Variants in SLCO3A1 observed in about 807,000 individuals in gnomAD.
The protein encoded by SLCO3A1 is solute carrier organic anion transporter family member 3A1.
In SLCO3A1, 27 loss-of-function variants were observed where a neutral mutation model predicts 63.1. That is an observed-to-expected ratio of 0.43 (90% CI 0.32 to 0.59). SLCO3A1 has a LOEUF of 0.59. Ranked by LOEUF, SLCO3A1 falls within the 20% of genes least tolerant of loss-of-function variation. The probability of loss-of-function intolerance (pLI) is 0.09; values close to 1 mark genes in which losing one functional copy is unlikely to be tolerated. For synonymous variants in SLCO3A1, 473 were observed against 409.9 expected (o/e 1.15, Z -1.86); for missense variants, 773 against 945.8 (o/e 0.82, Z 2.40).
rs61033389 is a variant in SLCO3A1 at position 92,056,045 on chromosome 15, G to A, written c.647-38836G>A. On this transcript the variant is annotated intron_variant, in intron 2 of 9. Transcript: ENST00000318445. ...GCAGTTACCTAGTGCCAGTCTAGGT[G>A]GTATTTTCTCTGTTTTTCCATATTT... 4.0e-5 allele frequency among the ~76,000 whole-genome samples: 6 copies of A among 151,760 alleles called. No individual in the cohort carries two copies. In the East Asian group the frequency reaches 1.2e-3, roughly 29 times the overall value.
Position 91,909,340 on chromosome 15 carries a change from A to G in SLCO3A1, c.181-6653A>G, listed in dbSNP as rs370799704. On this transcript the variant is annotated intron_variant, in intron 1 of 9. Coordinates refer to ENST00000318445, the MANE Select transcript of SLCO3A1 (RefSeq NM_013272.4). ...AACACAGCCATTTCCATTTGTTCAT[A>G]TATTGTCCATGCATGCTGCTTTTGT... Among the ~76,000 whole-genome samples, 26 of 152,170 alleles carry G rather than the reference A, an allele frequency of 1.7e-4. No homozygotes were observed. The East Asian group carries it at 1.9e-3, about 11-fold the overall frequency.
intron 1 of SLCO3A1, among the ~76,000 whole-genome samples, chr15:91,855,873 A>G (rs7181078): frequency 0.074 from 11,308 of 152,032 alleles, 1,381 homozygotes; most frequent in African/African-American, 0.25. Flanking sequence ...CCTCAAACCA[A>G]TTTTGCTCGG....
At chr15:91,930,004 G>C (rs1233107880) in intron 2 of SLCO3A1, among the ~76,000 whole-genome samples, 1 of 152,138 alleles carries the variant, frequency 6.6e-6, no homozygotes. Flanking sequence ...CTGTGAACAT[G>C]GGTGTGCCAT....
At position 91,853,879 on chromosome 15, in the gene SLCO3A1, G is replaced by GGCA. The variant is rs1397643688; in HGVS notation, c.-28_-27insAGC. ...CCGGGGCGAGCGGGAAAGCGGCAGC[G>GGCA]GCGGCGGCGGCGGCGGCGGCGGGGG... On this transcript the variant is annotated 5_prime_UTR_variant, in exon 1 of 10. Transcript: ENST00000318445. 4.6e-6 allele frequency: 3 copies of GGCA among 647,932 alleles called. No homozygotes were observed. Among genetic ancestry groups the GGCA allele is most frequent in the Non-Finnish European group, 5.8e-6 (3 of 513,084 alleles). The allele number at this position is 647,932 out of a possible 1,614,324, so 40.1% of individuals were successfully genotyped here.
At chr15:92,034,507 A>C (rs1391551667) in intron 2 of SLCO3A1, among the ~76,000 whole-genome samples, 1 of 151,586 alleles carries the variant, frequency 6.6e-6, no homozygotes, top group African/African-American at 2.4e-5. Context: ...GGTTTGGGGC[A>C]TGGATGTAAG....
At chr15:91,926,596 T>TGTGTGTGTGTGTGTGTGTGTGTGG in intron 2 of SLCO3A1, among the ~76,000 whole-genome samples, 6 of 105,256 alleles carry the variant, frequency 5.7e-5, no homozygotes, top group African/African-American at 1.8e-4. Flanking sequence ...TGTGTGTGTG[T>TGTGTGTGTGTGTGTGTGTGTGTGG]GCGCGCGCGC....
At chr15:92,008,064 A>G (rs562405712) in intron 2 of SLCO3A1, among the ~76,000 whole-genome samples, 1 of 152,200 alleles carries the variant, frequency 6.6e-6, no homozygotes, top group Non-Finnish European at 1.5e-5. Flanking sequence ...GGAGGACCCA[A>G]TCACAGGTGC....
chr15:92,046,572 T>G (rs982089038), intron 2 of SLCO3A1, among the ~76,000 whole-genome samples: 8 of 152,068 alleles, frequency 5.3e-5, no homozygotes, highest in African/African-American at 1.9e-4. Flanking sequence ...GACTTTCTTT[T>G]CTGTGCACAT....
At chr15:91,998,475 C>T (rs2046217206) in intron 2 of SLCO3A1, among the ~76,000 whole-genome samples, 1 of 151,646 alleles carries the variant, frequency 6.6e-6, no homozygotes, top group Non-Finnish European at 1.5e-5. Flanking sequence ...AAAAAGTGGG[C>T]AAAAGACATG....
chr15:92,028,192 A>G (rs1024006168), intron 2 of SLCO3A1, among the ~76,000 whole-genome samples: 3 of 152,140 alleles, frequency 2.0e-5, no homozygotes, highest in African/African-American at 7.2e-5. Flanking sequence ...GTCGTATGTC[A>G]GGTGATGATG....
intron 2 of SLCO3A1, among the ~76,000 whole-genome samples, chr15:91,970,959 G>A (rs1597171964): frequency 6.6e-6 from 1 of 152,072 alleles, no homozygotes; most frequent in East Asian, 1.9e-4. Context: ...TTCATTATTT[G>A]TGGTTTCTGT....
chr15:92,034,280 G>T (rs562283681), intron 2 of SLCO3A1, among the ~76,000 whole-genome samples: 1 of 151,630 alleles, frequency 6.6e-6, no homozygotes, highest in East Asian at 2.0e-4. Flanking sequence ...GAGGCCAGAA[G>T]TCCAGCATGA....
At chr15:91,998,710 C>G (rs1288461543) in intron 2 of SLCO3A1, among the ~76,000 whole-genome samples, 3 of 152,208 alleles carry the variant, frequency 2.0e-5, no homozygotes, top group Non-Finnish European at 1.5e-5. Context: ...ATTAGTTCAG[C>G]CACTGTGGAA....
Position 91,916,484 on chromosome 15 carries a change from C to G in SLCO3A1, c.646+26C>G. ...GTAGGAGCTGCCCCAGCCGTATTAGCAAGAGACCAGGGTGTGTTGACCATG... is the reference window on the plus strand; with the variant it reads ...GTAGGAGCTGCCCCAGCCGTATTAGGAAGAGACCAGGGTGTGTTGACCATG... On this transcript the variant is annotated intron_variant, in intron 2 of 9. Transcript: ENST00000318445. This position sits in a 1 kb window ranked among gnomAD's most constrained non-coding sequence, Gnocchi z 6.2. 1 of 1,524,424 alleles carries G rather than the reference C, an allele frequency of 6.6e-7. No homozygotes were observed. The allele number at this position is 1,524,424 out of a possible 1,614,324, so 94.4% of individuals were successfully genotyped here.
At chr15:92,102,375 T>C (rs989787703) in intron 3 of SLCO3A1, among the ~76,000 whole-genome samples, 1 of 152,176 alleles carries the variant, frequency 6.6e-6, no homozygotes, top group Non-Finnish European at 1.5e-5. Flanking sequence ...TATATACATA[T>C]ATGTACATAA....
intron 2 of SLCO3A1, among the ~76,000 whole-genome samples, chr15:91,960,282 C>T (rs1374375144): frequency 6.6e-6 from 1 of 152,214 alleles, no homozygotes; most frequent in Non-Finnish European, 1.5e-5. Flanking sequence ...CACGCCCGGC[C>T]TTATGTGGCC....
At chr15:91,939,085 A>G (rs1001153707) in intron 2 of SLCO3A1, among the ~76,000 whole-genome samples, 1 of 152,162 alleles carries the variant, frequency 6.6e-6, no homozygotes, top group Admixed American at 6.5e-5. Flanking sequence ...TATATAAGAA[A>G]AGAGGTTTAA....
chr15:91,895,978 G>A (rs1243920067), intron 1 of SLCO3A1, among the ~76,000 whole-genome samples: 1 of 152,176 alleles, frequency 6.6e-6, no homozygotes, highest in Non-Finnish European at 1.5e-5. Flanking sequence ...TTTTCCAGTA[G>A]GAAGCTATTC....
At chr15:91,868,188 A>T (rs1897212790) in intron 1 of SLCO3A1, among the ~76,000 whole-genome samples, 1 of 151,764 alleles carries the variant, frequency 6.6e-6, no homozygotes, top group Non-Finnish European at 1.5e-5. Context: ...AGTAGCTGGG[A>T]TTACAGGAGT....
Sources: gnomAD v4.1 joint callset for allele counts (sites outside exome capture counted in the v4.1 genomes callset) on GRCh38, gnomAD v4.1.1 for gene constraint, Gnocchi (gnomAD v3.1) non-coding constraint, MANE v1.5 for transcripts, NCBI Gene and HGNC (gene_info 2026-07-23, HGNC 2026-07-21) for gene names.